The following CUX2 variants were observed in gnomAD, a reference collection of about 807,000 sequenced individuals.
The protein encoded by CUX2 is homeobox protein cut-like 2.
In CUX2, 40 loss-of-function variants were observed where a neutral mutation model predicts 144.8. The observed-to-expected ratio is 0.28, with a 90% CI of 0.21 to 0.36. CUX2 has a LOEUF of 0.36. Among genes scored for constraint, CUX2 ranks in the 10% least tolerant of loss-of-function variants. The pLI is 1.00. For missense variants in CUX2, 1,615 were observed against 1,994.0 expected (o/e 0.81, Z 3.62); for synonymous variants, 827 against 875.6 (o/e 0.94, Z 0.98).
chr12:111,285,098 A>G (rs187306433), intron 4 of CUX2, among the ~76,000 whole-genome samples: 1 of 152,224 alleles, frequency 6.6e-6, no homozygotes, highest in African/African-American at 2.4e-5. Flanking sequence ...TCTCTTTATT[A>G]TTAGGCCCAA....
At chr12:111,073,526 C>T (rs1017511257) in intron 1 of CUX2, among the ~76,000 whole-genome samples, 2 of 152,048 alleles carry the variant, frequency 1.3e-5, no homozygotes, top group African/African-American at 4.8e-5. Context: ...ATAAGGGTTT[C>T]TCAGTCTTGA....
rs151162889 is a variant in CUX2, at chr12:111,291,272, C to T, written c.302-146C>T. 1,442 of 973,934 alleles carry T rather than the reference C, an allele frequency of 1.5e-3. 20 individuals carry two copies. The Admixed American group carries it at 0.028, about 19-fold the overall frequency. 60.3% of individuals were successfully genotyped at this position (973,934 alleles called of 1,614,324 possible). A position where few individuals can be genotyped will look rare whatever the true frequency, so the allele number is the denominator to read the frequency against. ...AAGTGCCTGGACAAGCCTGCTCCCT[C>T]GTAGAGCAGAAAGTCCATGCTACTT... On this transcript the variant is annotated intron_variant, in intron 4 of 21. Coordinates refer to ENST00000261726, the MANE Select transcript of CUX2 (RefSeq NM_015267.4).
chr12:111,057,616 C>T lies in CUX2; in HGVS notation c.63+23376C>T, dbSNP rs1182132057. Among the ~76,000 whole-genome samples the T allele has an allele frequency of 6.6e-6, 1 of 152,192 alleles. No individual in the cohort carries two copies. Among genetic ancestry groups the T allele is most frequent in the Non-Finnish European group, 1.5e-5 (1 of 68,044 alleles). On this transcript the variant is annotated intron_variant, in intron 1 of 21. Transcript: ENST00000261726. This position sits in a 1 kb window ranked among gnomAD's most constrained non-coding sequence, Gnocchi z 5.1. ...CCATCTTCCTGTCTTCCTGTGGGCCCCTCGCTCCCCACTTCTGCCAGCAGC... is the reference window on the plus strand; with the variant it reads ...CCATCTTCCTGTCTTCCTGTGGGCCTCTCGCTCCCCACTTCTGCCAGCAGC...
At chr12:111,233,306 G>A (rs534875411) in intron 3 of CUX2, among the ~76,000 whole-genome samples, 6 of 152,156 alleles carry the variant, frequency 3.9e-5, no homozygotes, top group South Asian at 2.1e-4. Flanking sequence ...CTTGCAGACC[G>A]CCTCTTAAAT....
intron 1 of CUX2, among the ~76,000 whole-genome samples, chr12:111,080,732 G>A: frequency 6.6e-6 from 1 of 152,154 alleles, no homozygotes; most frequent in East Asian, 1.9e-4. Flanking sequence ...GCTTACTACT[G>A]TCTTCCTAGC....
chr12:111,189,533 C>T (rs1041488847), intron 1 of CUX2, among the ~76,000 whole-genome samples: 10 of 152,318 alleles, frequency 6.6e-5, no homozygotes, highest in Admixed American at 6.5e-4. Flanking sequence ...GATTCATGCT[C>T]GTGGCCACAC....
chr12:111,204,248 TA>T (rs1401886009), intron 1 of CUX2, among the ~76,000 whole-genome samples: 1 of 152,184 alleles, frequency 6.6e-6, no homozygotes, highest in African/African-American at 2.4e-5. Flanking sequence ...TGCCTCAAAC[TA>T]AAAAACCAAC....
At chr12:111,248,181 G>A (rs945208027) in intron 3 of CUX2, among the ~76,000 whole-genome samples, 8 of 152,218 alleles carry the variant, frequency 5.3e-5, no homozygotes, top group Non-Finnish European at 8.8e-5. Flanking sequence ...GATTATAGGC[G>A]TGAGCCACTG....
At chr12:111,315,596 G>GT (rs1292409708) in intron 16 of CUX2, among the ~76,000 whole-genome samples, 1 of 152,132 alleles carries the variant, frequency 6.6e-6, no homozygotes, top group Non-Finnish European at 1.5e-5. Context: ...GTAGGAACCT[G>GT]TAATCCCAGC....
chr12:111,145,527 C>G (rs1309446284), intron 1 of CUX2, among the ~76,000 whole-genome samples: 3 of 152,134 alleles, frequency 2.0e-5, no homozygotes, highest in Non-Finnish European at 4.4e-5. Flanking sequence ...CGCCACCATG[C>G]CCAACTAATT....
chr12:111,209,127 A>G (rs1331083806), intron 1 of CUX2, among the ~76,000 whole-genome samples: 1 of 152,188 alleles, frequency 6.6e-6, no homozygotes, highest in Non-Finnish European at 1.5e-5. Flanking sequence ...AACGTTCTAC[A>G]TCTTGAACTG....
At chr12:111,292,162 T>C (rs1254413970) in intron 5 of CUX2, among the ~76,000 whole-genome samples, 1 of 152,028 alleles carries the variant, frequency 6.6e-6, no homozygotes, top group East Asian at 1.9e-4. Context: ...GCGTTACTCA[T>C]AACAGCAAAA....
At chr12:111,119,162 G>A (rs79741159) in intron 1 of CUX2, among the ~76,000 whole-genome samples, 2,560 of 152,274 alleles carry the variant, frequency 0.017, 77 homozygotes, top group African/African-American at 0.059. Flanking sequence ...GGGCCATAGG[G>A]TCTCTGTTGC....
intron 3 of CUX2, among the ~76,000 whole-genome samples, chr12:111,256,406 C>T (rs374052005): frequency 6.6e-6 from 1 of 152,170 alleles, no homozygotes; most frequent in East Asian, 1.9e-4. Context: ...CATTCTGAGA[C>T]CCTCCAAGCA....
intron 4 of CUX2, among the ~76,000 whole-genome samples, chr12:111,269,104 C>T (rs1053524943): frequency 6.6e-6 from 1 of 152,218 alleles, no homozygotes; most frequent in Admixed American, 6.5e-5. Flanking sequence ...GAACCTGCCT[C>T]GTGCTGTTAT....
intron 1 of CUX2, among the ~76,000 whole-genome samples, chr12:111,042,001 C>T (rs552287440): frequency 6.6e-6 from 1 of 152,366 alleles, no homozygotes; most frequent in African/African-American, 2.4e-5. Context: ...CCGGAGCACA[C>T]CCCAGCCTCT....
chr12:111,256,246 C>T (rs1455388068), intron 3 of CUX2, among the ~76,000 whole-genome samples: 1 of 151,982 alleles, frequency 6.6e-6, no homozygotes, highest in Non-Finnish European at 1.5e-5. Flanking sequence ...CGTACTCTTG[C>T]CTCTCTTTGC....
chr12:111,231,471 C>T (rs974781855), intron 3 of CUX2, among the ~76,000 whole-genome samples: 4 of 152,128 alleles, frequency 2.6e-5, no homozygotes, highest in African/African-American at 9.7e-5. Context: ...TGTAAAATTG[C>T]TTTGTAAGCC....
chr12:111,293,720 C>T lies in CUX2; in HGVS notation c.560+151C>T, dbSNP rs1011305447. 5.1e-6 allele frequency: 6 copies of T among 1,174,804 alleles called. No individual in the cohort carries two copies. Among genetic ancestry groups the T allele is most frequent in the Admixed American group, 2.8e-5 (1 of 35,536 alleles). The allele number at this position is 1,174,804 out of a possible 1,614,324, so 72.8% of individuals were successfully genotyped here. A position where few individuals can be genotyped will look rare whatever the true frequency, so the allele number is the denominator to read the frequency against. ...AGAAAGGGCCGAGGGCTTTGGACTC[C>T]AACCGGGTCTGGGTTCAAGTTCCAC... On this transcript the variant is annotated intron_variant, in intron 6 of 21. Transcript: ENST00000261726. This position sits in a 1 kb window ranked among gnomAD's most constrained non-coding sequence, Gnocchi z 4.5.
Sources: gnomAD v4.1 joint callset for allele counts (sites outside exome capture counted in the v4.1 genomes callset) on GRCh38, gnomAD v4.1.1 for gene constraint, Gnocchi (gnomAD v3.1) non-coding constraint, MANE v1.5 for transcripts, NCBI Gene and HGNC (gene_info 2026-07-23, HGNC 2026-07-21) for gene names.